G6PD: variants seen among roughly 807,000 people sequenced by gnomAD.
The protein encoded by G6PD is glucose-6-phosphate dehydrogenase, also known as glucose-6-phosphate 1-dehydrogenase.
In G6PD, 2 loss-of-function variants were observed where a neutral mutation model predicts 38.2. The ratio of observed to expected loss-of-function variants is 0.05; its 90% confidence interval spans 0.02 to 0.16. The LOEUF (loss-of-function observed/expected upper bound fraction) is 0.16. G6PD is among the 10% of genes least tolerant of loss of function. The pLI is 1.00. For missense variants in G6PD, 310 were observed against 471.6 expected (o/e 0.66, Z 3.17); for synonymous variants, 188 against 196.0 (o/e 0.96, Z 0.34).
At chrX:154,534,204 T>C in intron 6 of G6PD, 44 bp from the exon 7 acceptor site, 1 of 1,209,626 alleles carries the variant, frequency 8.3e-7, no homozygotes, top group South Asian at 1.8e-5. Context: ...TGGGCCTCTG[T>C]GGTGCAGGGG....
intron 2 of G6PD, among the ~76,000 whole-genome samples, chrX:154,536,442 G>A (rs2070409564): frequency 8.9e-6 from 1 of 112,356 alleles, no homozygotes; most frequent in African/African-American, 3.2e-5. Flanking sequence ...AGGGACGACA[G>A]AAGTACCATG....
chrX:154,532,367 G>T lies in G6PD; in HGVS notation c.1364+19C>A. On this transcript the variant is annotated intron_variant, in intron 11 of 12. Coordinates refer to ENST00000393562, the MANE Select transcript of G6PD (RefSeq NM_001360016.2). Reference sequence around the variant, plus strand: ...CCCCATAGCCCACAGGTATGCAGGGGCCGGCAGCTGGGCCTCACCTGCGCA... The same window carrying T: ...CCCCATAGCCCACAGGTATGCAGGGTCCGGCAGCTGGGCCTCACCTGCGCA... 8.3e-7 allele frequency: 1 copy of T among 1,211,100 alleles called. No homozygotes were observed. Among genetic ancestry groups the T allele is most frequent in the Middle Eastern group, 2.3e-4 (1 of 4,343 alleles).
At chrX:154,547,116 G>C (rs2070757512), upstream of G6PD, 2 of 148,338 alleles carry the variant, frequency 1.3e-5, no homozygotes, top group Non-Finnish European at 2.5e-5. Flanking sequence ...GCAGCTCCGC[G>C]TAGTGCTCCC....
intron 2 of G6PD, among the ~76,000 whole-genome samples, chrX:154,536,528 A>G (rs1024920627): frequency 8.9e-6 from 1 of 112,625 alleles, no homozygotes; most frequent in South Asian, 3.6e-4. Flanking sequence ...GGAGCTAAGC[A>G]TTCCACTTAA....
Position 154,535,930 on chromosome X carries a change from C to T in G6PD, c.267+7G>A, listed in dbSNP as rs2070402994. ...ACCAGGCTGGGGGAGGCCCTGACACCACCCACCTTGAAGAAGGGCTCACTC... is the reference window on the plus strand; with the variant it reads ...ACCAGGCTGGGGGAGGCCCTGACACTACCCACCTTGAAGAAGGGCTCACTC... On this transcript the variant is annotated splice_region_variant and intron_variant, in intron 4 of 12. Transcript: ENST00000393562. The T allele has an allele frequency of 8.3e-7, 1 of 1,201,074 alleles. No individual in the cohort carries two copies. The highest frequency in any genetic ancestry group is 1.8e-5 in the African/African-American group (1 of 57,041).
intron 2 of G6PD, among the ~76,000 whole-genome samples, chrX:154,537,650 G>A (rs2070426188): frequency 8.9e-6 from 1 of 112,215 alleles, no homozygotes; most frequent in Admixed American, 9.4e-5. Flanking sequence ...GACCTGAGAG[G>A]GGACAGTGGC....
chrX:154,532,247 G>A lies in G6PD; in HGVS notation c.1398C>T (p.Thr466=), dbSNP rs398123547. 756 of 1,210,049 alleles carry A rather than the reference G, an allele frequency of 6.2e-4. 6 individuals are homozygous for A. In the South Asian group the frequency reaches 0.013, roughly 20 times the overall value. Residue 466 remains threonine, a synonymous_variant, in exon 12 of 13, where the codon ACC becomes ACT. Transcript: ENST00000393562. ...CCAGCTCAATCTGGTGCAGCAGTGGGGTGAAAATACGCCAGGCCTCACGGA... is the reference window on the plus strand; with the variant it reads ...CCAGCTCAATCTGGTGCAGCAGTGGAGTGAAAATACGCCAGGCCTCACGGA... ...DELREAWRIF[T]PLLHQIELEK...
At chrX:154,540,658 A>C (rs1603412709) in intron 2 of G6PD, among the ~76,000 whole-genome samples, 2 of 97,495 alleles carry the variant, frequency 2.1e-5, no homozygotes, top group Admixed American at 2.3e-4. Flanking sequence ...AAAAAAAAAC[A>C]CATGCTCTTC....
At chrX:154,542,251 G>A (rs782316100) in intron 2 of G6PD, 14 of 1,055,535 alleles carry the variant, frequency 1.3e-5, no homozygotes, top group African/African-American at 1.1e-4. Flanking sequence ...CGTCCTGAAC[G>A]CCCATCAAGC....
At chrX:154,545,814 G>C (rs900274293) in intron 2 of G6PD, 1 of 379,075 alleles carries the variant, frequency 2.6e-6, no homozygotes, top group South Asian at 3.5e-5. Context: ...CATCCTGGGC[G>C]ACCAGAGCAA....
intron 2 of G6PD, chrX:154,545,805 A>T (rs1450906674): frequency 5.5e-6 from 2 of 366,695 alleles, no homozygotes; most frequent in Non-Finnish European, 9.4e-6. Context: ...ACTGCACCCC[A>T]TCCTGGGCGA....
chrX:154,539,445 G>A (rs782464174), intron 2 of G6PD, among the ~76,000 whole-genome samples: 39 of 111,603 alleles, frequency 3.5e-4, no homozygotes, highest in Non-Finnish European at 3.8e-5. Flanking sequence ...GGGAGATGAC[G>A]ATGGCCTTTA....
chrX:154,547,188 C>CCTCGCGCG (rs2070762457), upstream of G6PD: 3 of 313,162 alleles, frequency 9.6e-6, no homozygotes, highest in Admixed American at 1.8e-4. Context: ...GCCCCGGCGG[C>CCTCGCGCG]CTCGCGCGCT....
In G6PD at chrX:154,533,069, G is replaced by A. The variant is rs782732731; in HGVS notation, c.924C>T (p.Tyr308=). 1.2e-5 allele frequency: 14 copies of A among 1,211,226 alleles called. No individual in the cohort carries two copies. The South Asian group carries it at 1.8e-4, about 15-fold the overall frequency. Residue 308 remains tyrosine, a synonymous_variant, in exon 9 of 13, where the codon TAC becomes TAT. Transcript: ENST00000393562. ...CGCCCTCTCCATCGGGGTTCCCCAC[G>A]TACTGGCCCAGGACCACATTGTTGG... is the stretch of plus-strand genomic sequence containing the variant. The part of the protein sequence containing the change: ...VQANNVVLGQ[Y]VGNPDGEGEA...
At chrX:154,540,731 C>T (rs1479155670) in intron 2 of G6PD, among the ~76,000 whole-genome samples, 8 of 110,445 alleles carry the variant, frequency 7.2e-5, no homozygotes, top group African/African-American at 2.0e-4. Flanking sequence ...AGAATGGGGG[C>T]CATGCCACCA....
intron 2 of G6PD, among the ~76,000 whole-genome samples, chrX:154,545,026 GA>G (rs1557232854): frequency 8.9e-6 from 1 of 111,926 alleles, no homozygotes; most frequent in Non-Finnish European, 1.9e-5. Flanking sequence ...GGTTAAAAGT[GA>G]AAACTGAGAC....
intron 7 of G6PD, 152 bp from the exon 8 acceptor site, chrX:154,533,821 A>G (rs1557230142): frequency 2.5e-6 from 3 of 1,181,216 alleles, no homozygotes; most frequent in Non-Finnish European, 3.4e-6. Context: ...AAATCAAGGA[A>G]GGACATGGTG....
At chrX:154,545,965 T>A in intron 2 of G6PD, 71 bp downstream of exon 2, 1 of 1,170,994 alleles carries the variant, frequency 8.5e-7, no homozygotes, top group Non-Finnish European at 1.2e-6. Context: ...CCTGCAACAA[T>A]TAGTTGGAAA....
intron 2 of G6PD, among the ~76,000 whole-genome samples, chrX:154,539,107 T>G (rs1174872775): frequency 9.0e-6 from 1 of 111,221 alleles, no homozygotes; most frequent in Non-Finnish European, 1.9e-5. Flanking sequence ...TGTGAGGTGG[T>G]GCGGGTGCTC....
Sources: gnomAD v4.1 joint callset for allele counts (sites outside exome capture counted in the v4.1 genomes callset) on GRCh38, gnomAD v4.1.1 for gene constraint, MANE v1.5 for transcripts, NCBI Gene and HGNC (gene_info 2026-07-23, HGNC 2026-07-21) for gene names.